TGFA: variants seen among roughly 807,000 people sequenced by gnomAD.
TGFA encodes the protein protransforming growth factor alpha.
In TGFA, 12 loss-of-function variants were observed where a neutral mutation model predicts 21.7. The observed-to-expected ratio is 0.55, with a 90% CI of 0.35 to 0.90. TGFA has a LOEUF of 0.90. Among genes scored for constraint, TGFA ranks in the 40% least tolerant of loss-of-function variants. The pLI, the probability that TGFA is intolerant of heterozygous loss-of-function variation, is 0.01. For synonymous variants in TGFA, 79 were observed against 88.1 expected (o/e 0.90, Z 0.58); for missense variants, 178 against 210.8 (o/e 0.84, Z 0.96).
chr2:70,511,998 C>G (rs925439700), intron 2 of TGFA, among the ~76,000 whole-genome samples: 62 of 149,870 alleles, frequency 4.1e-4, no homozygotes, highest in Admixed American at 1.2e-3. Context: ...GCGCCCACCA[C>G]AGGATTTCAG....
chr2:70,450,624 T>A lies in TGFA; in HGVS notation c.*235A>T. The A allele has an allele frequency of 3.7e-6, 2 of 542,220 alleles. No homozygotes were observed. The allele number at this position is 542,220 out of a possible 1,614,324, so 33.6% of individuals were successfully genotyped here. A position where few individuals can be genotyped will look rare whatever the true frequency, so the allele number is the denominator to read the frequency against. On this transcript the variant is annotated 3_prime_UTR_variant, in exon 6 of 6. Coordinates refer to ENST00000295400, the MANE Select transcript of TGFA (RefSeq NM_003236.4). ...AGTCCGTCTCTTTGCAGTTCTTTTT[T>A]AACAAGTCTTGAAATCGTGGTCCGC...
intron 3 of TGFA, 83 bp downstream of exon 3, chr2:70,465,533 A>T (rs1670529359): frequency 1.3e-6 from 2 of 1,552,494 alleles, no homozygotes; most frequent in African/African-American, 2.7e-5. Context: ...GCCTCTGGCA[A>T]GTCTTATGGA....
intron 1 of TGFA, 114 bp from the exon 2 acceptor site, chr2:70,515,026 G>A (rs1030744360): frequency 8.9e-6 from 8 of 897,022 alleles, no homozygotes; most frequent in Non-Finnish European, 1.0e-5. Context: ...TTCACAGAGT[G>A]GCCGGTAGAC....
intron 2 of TGFA, among the ~76,000 whole-genome samples, chr2:70,478,086 C>T (rs1369323265): frequency 7.2e-5 from 6 of 83,542 alleles, no homozygotes; most frequent in African/African-American, 1.9e-4. Flanking sequence ...AACCCTGGTC[C>T]CCAGCTTAAG....
At chr2:70,524,686 C>G (rs967069925) in intron 1 of TGFA, among the ~76,000 whole-genome samples, 15 of 152,196 alleles carry the variant, frequency 9.9e-5, no homozygotes, top group African/African-American at 3.4e-4. Flanking sequence ...CTTGATTTTC[C>G]CAGAGTCCAG....
intron 2 of TGFA, among the ~76,000 whole-genome samples, chr2:70,471,520 T>C (rs1670750636): frequency 6.6e-6 from 1 of 152,190 alleles, no homozygotes; most frequent in Non-Finnish European, 1.5e-5. Context: ...GCGGAGTAAC[T>C]GTTCTCATTT....
rs986703219 is a variant in TGFA, at chr2:70,531,996, T to C, written c.41-17084A>G. Reference sequence around the variant, plus strand: ...CAAGAGGTCATCCAGAGACACTCGTTGGTATTGACTACAAAATGAAAGTGG... The same window carrying C: ...CAAGAGGTCATCCAGAGACACTCGTCGGTATTGACTACAAAATGAAAGTGG... On this transcript the variant is annotated intron_variant, in intron 1 of 5. Coordinates refer to ENST00000295400, the MANE Select transcript of TGFA (RefSeq NM_003236.4). Among the ~76,000 whole-genome samples the C allele has an allele frequency of 1.7e-4, 26 of 152,356 alleles. 1 individual carries two copies. Among genetic ancestry groups the C allele is most frequent in the South Asian group, 1.5e-3 (7 of 4,826 alleles).
chr2:70,491,755 CTAAGGAA>C (rs1326272654), intron 2 of TGFA, among the ~76,000 whole-genome samples: 1 of 152,160 alleles, frequency 6.6e-6, no homozygotes, highest in Non-Finnish European at 1.5e-5. Flanking sequence ...CTCTGGCCCC[CTAAGGAA>C]AGGCTCACAT....
chr2:70,520,460 G>A (rs549997753), intron 1 of TGFA, among the ~76,000 whole-genome samples: 5 of 151,600 alleles, frequency 3.3e-5, no homozygotes, highest in Non-Finnish European at 7.4e-5. Flanking sequence ...ATTGCAGGGA[G>A]CCAAGATTGT....
rs1246236973 is a variant in TGFA, at chr2:70,553,206, A to C, written c.40+522T>G. 5 of 1,536,038 alleles carry C rather than the reference A, an allele frequency of 3.3e-6. No homozygotes were observed. In the African/African-American group the frequency reaches 6.8e-5, roughly 21 times the overall value. On this transcript the variant is annotated intron_variant, in intron 1 of 5. Coordinates refer to ENST00000295400, the MANE Select transcript of TGFA (RefSeq NM_003236.4). ...TACCCCCAAAGCTCAAGAGCTCTGA[A>C]AAGAGATCGAGGGCGCCTCTGCCGA...
In TGFA at chr2:70,448,733, C is replaced by G. The variant is rs1306599693; in HGVS notation, c.*2126G>C. 6.6e-6 allele frequency: 1 copy of G among 152,168 alleles called. No individual in the cohort carries two copies. Among genetic ancestry groups the G allele is most frequent in the African/African-American group, 2.4e-5 (1 of 41,438 alleles). 9.4% of individuals were successfully genotyped at this position (152,168 alleles called of 1,614,324 possible). ...CAAAGGACTGACTTGGAAGGCACTTCTAGGGAGGCGTATATGTGAGGCCTC... is the reference window on the plus strand; with the variant it reads ...CAAAGGACTGACTTGGAAGGCACTTGTAGGGAGGCGTATATGTGAGGCCTC... On this transcript the variant is annotated 3_prime_UTR_variant, in exon 6 of 6. Coordinates refer to ENST00000295400, the MANE Select transcript of TGFA (RefSeq NM_003236.4).
At chr2:70,494,747 CTA>C (rs763183471) in intron 2 of TGFA, among the ~76,000 whole-genome samples, 31 of 152,260 alleles carry the variant, frequency 2.0e-4, no homozygotes, top group Non-Finnish European at 3.8e-4. Context: ...GACATCTTTT[CTA>C]TGTTTATTGG....
chr2:70,549,607 A>G (rs1574155836), intron 1 of TGFA, among the ~76,000 whole-genome samples: 1 of 152,244 alleles, frequency 6.6e-6, no homozygotes, highest in African/African-American at 2.4e-5. Context: ...TGCCTAATTC[A>G]GTGTGTACAA....
chr2:70,500,240 CATGCAAGTGGCCTGGG>C (rs1282555055), intron 2 of TGFA, among the ~76,000 whole-genome samples: 6 of 152,166 alleles, frequency 3.9e-5, no homozygotes, highest in African/African-American at 7.2e-5. Context: ...GGAGGTACCA[CATGCAAGTGGCCTGGG>C]CATCAGGAAC....
intron 3 of TGFA, among the ~76,000 whole-genome samples, chr2:70,462,338 C>T (rs1473322457): frequency 1.3e-5 from 2 of 152,206 alleles, no homozygotes; most frequent in African/African-American, 4.8e-5. Flanking sequence ...TAAGGAGTGC[C>T]GTCAGAGGGG....
chr2:70,477,200 C>T (rs559792047), intron 2 of TGFA, among the ~76,000 whole-genome samples: 51 of 152,150 alleles, frequency 3.4e-4, no homozygotes, highest in Non-Finnish European at 6.3e-4. Flanking sequence ...CATGTTACTG[C>T]CTCATGTTTT....
At chr2:70,491,375 C>A (rs1226664857) in intron 2 of TGFA, among the ~76,000 whole-genome samples, 1 of 152,098 alleles carries the variant, frequency 6.6e-6, no homozygotes, top group Non-Finnish European at 1.5e-5. Context: ...GGGCCCAAAA[C>A]CCTCCCAACC....
intron 1 of TGFA, among the ~76,000 whole-genome samples, chr2:70,544,586 T>C (rs551025564): frequency 6.6e-6 from 1 of 152,344 alleles, no homozygotes; most frequent in South Asian, 2.1e-4. Context: ...GCCTCATTCT[T>C]GGCTGAATCC....
At chr2:70,466,122 A>T (rs529566573) in intron 2 of TGFA, among the ~76,000 whole-genome samples, 14 of 152,218 alleles carry the variant, frequency 9.2e-5, no homozygotes, top group Non-Finnish European at 1.6e-4. Flanking sequence ...AAAGGTACAA[A>T]AGAATATTCT....
Sources: gnomAD v4.1 joint callset for allele counts (sites outside exome capture counted in the v4.1 genomes callset) on GRCh38, gnomAD v4.1.1 for gene constraint, MANE v1.5 for transcripts, NCBI Gene and HGNC (gene_info 2026-07-23, HGNC 2026-07-21) for gene names.